UBE3C: variants seen among roughly 807,000 people sequenced by gnomAD.
UBE3C encodes ubiquitin-protein ligase E3C.
A neutral mutation model predicts 129.4 loss-of-function variants in UBE3C; 42 were observed. The ratio of observed to expected loss-of-function variants is 0.32; its 90% CI spans 0.25 to 0.42. The LOEUF is 0.42. Among genes scored for constraint, UBE3C ranks in the 10% least tolerant of loss-of-function variants. The pLI is 1.00. For synonymous variants in UBE3C, 510 were observed against 492.4 expected, an observed-to-expected ratio of 1.04 and a Z score of -0.47; for missense variants, 1,049 against 1,319.1, an observed-to-expected ratio of 0.80 and a Z score of 3.17.
intron 10 of UBE3C, among the ~76,000 whole-genome samples, chr7:157,189,516 C>T (rs1244126925): frequency 6.6e-6 from 1 of 152,166 alleles, no homozygotes; most frequent in East Asian, 1.9e-4. Flanking sequence ...ATCTGGCATA[C>T]GTGGGGTTTT....
rs1273878678 is a variant in UBE3C, at chr7:157,254,146, C to T, written c.2883+4C>T. The T allele has an allele frequency of 1.2e-6, 2 of 1,610,830 alleles. No individual in the cohort carries two copies. The highest frequency in any genetic ancestry group is 1.7e-6 in the Non-Finnish European group (2 of 1,178,080). ...GTTTGATCAGCAAGAAATTCAGGTA[C>T]CCTACCTGCTGACTTTCTGGGACAC... On this transcript the variant is annotated splice_donor_region_variant and intron_variant, in intron 20 of 22. Transcript: ENST00000348165.
At chr7:157,203,084 GCA>G (rs1364199230) in intron 11 of UBE3C, among the ~76,000 whole-genome samples, 2 of 152,278 alleles carry the variant, frequency 1.3e-5, no homozygotes, top group East Asian at 1.9e-4. Context: ...GTTCAGCCAG[GCA>G]CAGTCAGCCC....
At chr7:157,245,450 C>T (rs1046040738) in intron 18 of UBE3C, among the ~76,000 whole-genome samples, 2 of 152,158 alleles carry the variant, frequency 1.3e-5, no homozygotes, top group Non-Finnish European at 2.9e-5. Flanking sequence ...GAAGTGATGC[C>T]GTTTATCAGT....
intron 22 of UBE3C, among the ~76,000 whole-genome samples, chr7:157,264,091 GGT>G (rs1351783943): frequency 2.8e-5 from 4 of 142,600 alleles, no homozygotes; most frequent in East Asian, 4.3e-4. Flanking sequence ...ACACACACCT[GGT>G]ATTACAGGTG....
intron 10 of UBE3C, chr7:157,198,204 T>G (rs1809177586): frequency 1.3e-6 from 2 of 1,559,566 alleles, no homozygotes; most frequent in South Asian, 2.2e-5. Flanking sequence ...ATGCATATAT[T>G]CAGACCGCTT....
chr7:157,233,061 C>G (rs1192157300), intron 18 of UBE3C, among the ~76,000 whole-genome samples: 2 of 152,128 alleles, frequency 1.3e-5, no homozygotes, highest in South Asian at 2.1e-4. Context: ...CCTTCCTCCC[C>G]CAGCCCTGGC....
chr7:157,168,766 T>TA (rs2116879271), intron 2 of UBE3C, among the ~76,000 whole-genome samples: 3 of 152,186 alleles, frequency 2.0e-5, no homozygotes, highest in Admixed American at 2.0e-4. Context: ...AGTAGATGAG[T>TA]GATTGCCAGG....
chr7:157,155,881 A>C (rs977203693), intron 1 of UBE3C, among the ~76,000 whole-genome samples: 5 of 151,882 alleles, frequency 3.3e-5, no homozygotes, highest in Admixed American at 2.0e-4. Context: ...CGCTGTCAGG[A>C]CGATGGCCTC....
At chr7:157,142,146 A>G (rs6972035) in intron 1 of UBE3C, among the ~76,000 whole-genome samples, 15,449 of 152,146 alleles carry the variant, frequency 0.1, 898 homozygotes, top group African/African-American at 0.14. Context: ...GAGCACCTAC[A>G]TATGCTTGTT....
chr7:157,199,270 A>T (rs770355548), intron 10 of UBE3C, among the ~76,000 whole-genome samples: 1 of 152,044 alleles, frequency 6.6e-6, no homozygotes, highest in African/African-American at 2.4e-5. Context: ...CTTTTTTCTT[A>T]CTCTTTTTTC....
chr7:157,170,394 C>G lies in UBE3C; in HGVS notation c.286C>G (p.Leu96Val). 6.3e-7 allele frequency: 1 copy of G among 1,575,392 alleles called. No homozygotes were observed. Among genetic ancestry groups the G allele is most frequent in the Non-Finnish European group, 8.6e-7 (1 of 1,162,862 alleles). Residue 96 changes from leucine to valine, a missense_variant, in exon 4 of 23, where the codon CTT becomes GTT. Coordinates refer to ENST00000348165, the MANE Select transcript of UBE3C (RefSeq NM_014671.3). ...FPIANGPNLT[L>V]LVRQLLFFYK... ...CATTGCTAATGGCCCCAACCTTACC[C>G]TTTTGGTAAGGCAGCTTCTGTTTTT... is the stretch of plus-strand genomic sequence containing the variant.
intron 4 of UBE3C, among the ~76,000 whole-genome samples, chr7:157,173,062 C>A (rs898534850): frequency 6.6e-6 from 1 of 152,156 alleles, no homozygotes; most frequent in Non-Finnish European, 1.5e-5. Context: ...TGTCATAAGA[C>A]CAGTCCAGGA....
At chr7:157,167,915 C>T (rs559743903) in intron 2 of UBE3C, among the ~76,000 whole-genome samples, 2 of 152,200 alleles carry the variant, frequency 1.3e-5, no homozygotes, top group Non-Finnish European at 2.9e-5. Context: ...TGATGAAGAA[C>T]GCATATTTTT....
chr7:157,236,271 A>G lies in UBE3C; in HGVS notation c.2481+4944A>G, dbSNP rs1465609854. Reference sequence around the variant, plus strand: ...TTTACAGATAGAAGCACCTAGGTCCATTTAAGCCAATTAAGTTCAGAATAT... The same window carrying G: ...TTTACAGATAGAAGCACCTAGGTCCGTTTAAGCCAATTAAGTTCAGAATAT... On this transcript the variant is annotated intron_variant, in intron 18 of 22. Transcript: ENST00000348165. Among the ~76,000 whole-genome samples, 7 of 152,224 alleles carry G rather than the reference A, an allele frequency of 4.6e-5. No homozygotes were observed. In the South Asian group the frequency reaches 6.2e-4, roughly 14 times the overall value.
chr7:157,208,021 C>G (rs1809482712), intron 13 of UBE3C, 86 bp downstream of exon 13: 1 of 484,822 alleles, frequency 2.1e-6, no homozygotes, highest in South Asian at 6.6e-5. Context: ...AATAAAAATG[C>G]AGGTTTGTTT....
intron 5 of UBE3C, among the ~76,000 whole-genome samples, chr7:157,178,344 A>T (rs1808579679): frequency 6.6e-6 from 1 of 152,214 alleles, no homozygotes; most frequent in Non-Finnish European, 1.5e-5. Context: ...TTCGTATCTG[A>T]GTTTAATTAA....
chr7:157,242,652 G>T (rs1172608269), intron 18 of UBE3C, among the ~76,000 whole-genome samples: 2 of 151,160 alleles, frequency 1.3e-5, no homozygotes, highest in Admixed American at 6.6e-5. Context: ...GAACTTCCTT[G>T]TTCATGAAGA....
At chr7:157,229,660 C>T (rs1795970162) in intron 17 of UBE3C, among the ~76,000 whole-genome samples, 2 of 150,134 alleles carry the variant, frequency 1.3e-5, no homozygotes, top group African/African-American at 4.9e-5. Context: ...ATGGGGGTCT[C>T]ACTTTCAGCC....
At chr7:157,197,313 A>C (rs1291480872) in intron 10 of UBE3C, among the ~76,000 whole-genome samples, 1 of 152,188 alleles carries the variant, frequency 6.6e-6, no homozygotes, top group Non-Finnish European at 1.5e-5. Context: ...CTGCAAACAA[A>C]ACATTAACAC....
Sources: gnomAD v4.1 joint callset for allele counts (sites outside exome capture counted in the v4.1 genomes callset) on GRCh38, gnomAD v4.1.1 for gene constraint, MANE v1.5 for transcripts, NCBI Gene and HGNC (gene_info 2026-07-23, HGNC 2026-07-21) for gene names.